Variants in VSTM2L observed in about 807,000 individuals in gnomAD.
VSTM2L encodes the protein V-set and transmembrane domain containing 2 like, also known as V-set and transmembrane domain-containing protein 2-like protein.
Under a neutral mutation model 19.9 loss-of-function variants are expected in VSTM2L, and 9 were observed. That is an observed-to-expected ratio of 0.45 (90% CI 0.27 to 0.79). The LOEUF (loss-of-function observed/expected upper bound fraction) is 0.79, where lower values mean the gene tolerates loss of function less well. Ranked by LOEUF, VSTM2L falls within the 30% of genes least tolerant of loss-of-function variation. The pLI is 0.15. For synonymous variants in VSTM2L, 127 were observed against 133.8 expected (o/e 0.95, Z 0.35); for missense variants, 286 against 295.5 (o/e 0.97, Z 0.24).
At chr20:37,933,772 A>T (rs1007415517) in intron 3 of VSTM2L, among the ~76,000 whole-genome samples, 183 bp downstream of exon 3, 1 of 152,232 alleles carries the variant, frequency 6.6e-6, no homozygotes, top group Non-Finnish European at 1.5e-5. Flanking sequence ...AGTTCATTCA[A>T]TGATGGGCAC....
chr20:37,935,818 T>C (rs1156555695), intron 3 of VSTM2L, among the ~76,000 whole-genome samples: 4 of 152,042 alleles, frequency 2.6e-5, no homozygotes, highest in African/African-American at 9.7e-5. Flanking sequence ...CAATAAATAT[T>C]TGTTGAATAA....
chr20:37,907,996 G>C lies in VSTM2L; in HGVS notation c.121+4525G>C, dbSNP rs377267454. On this transcript the variant is annotated intron_variant, in intron 1 of 3. Transcript: ENST00000373461. Reference sequence around the variant, plus strand: ...TTGAGTCCTGTCTTCCAAAGGTTATGATGTTAAAAATGTGTTCGTCTTTGT... The same window carrying C: ...TTGAGTCCTGTCTTCCAAAGGTTATCATGTTAAAAATGTGTTCGTCTTTGT... Among the ~76,000 whole-genome samples the C allele has an allele frequency of 1.4e-4, 22 of 152,294 alleles. 1 individual carries two copies. In the South Asian group the frequency reaches 4.4e-3, roughly 30 times the overall value.
intron 3 of VSTM2L, among the ~76,000 whole-genome samples, chr20:37,939,101 T>G (rs1287899532): frequency 6.6e-6 from 1 of 152,056 alleles, no homozygotes; most frequent in African/African-American, 2.4e-5. Context: ...ATTGTGAGGT[T>G]TAAATAAGAG....
In VSTM2L at chr20:37,944,637, T is replaced by C. The variant is rs60658175; in HGVS notation, c.*384T>C. The C allele has an allele frequency of 1.6e-3, 1,653 of 1,020,590 alleles. 13 individuals carry two copies. In the African/African-American group the frequency reaches 0.025, roughly 16 times the overall value. 63.2% of individuals were successfully genotyped at this position (1,020,590 alleles called of 1,614,324 possible). A position where few individuals can be genotyped will look rare whatever the true frequency, so the allele number is the denominator to read the frequency against. On this transcript the variant is annotated 3_prime_UTR_variant, in exon 4 of 4. Coordinates refer to ENST00000373461, the MANE Select transcript of VSTM2L (RefSeq NM_080607.3). Reference sequence around the variant, plus strand: ...TGAGCCGGGGCCCCCCAGCCTCGCCTCCCTCCTCCTACCATCCCTCACTTG... The same window carrying C: ...TGAGCCGGGGCCCCCCAGCCTCGCCCCCCTCCTCCTACCATCCCTCACTTG...
chr20:37,917,842 G>A (rs1430266936), intron 1 of VSTM2L, among the ~76,000 whole-genome samples: 1 of 152,234 alleles, frequency 6.6e-6, no homozygotes, highest in African/African-American at 2.4e-5. Flanking sequence ...GCCCACGCAG[G>A]AGAGTAAACA....
At chr20:37,926,458 G>A (rs759577743) in intron 1 of VSTM2L, among the ~76,000 whole-genome samples, 2 of 152,090 alleles carry the variant, frequency 1.3e-5, no homozygotes, top group Non-Finnish European at 2.9e-5. Context: ...GGAGGCTGAG[G>A]CTTGAACCCG....
chr20:37,941,936 C>T (rs77832645), intron 3 of VSTM2L, among the ~76,000 whole-genome samples: 2,858 of 148,352 alleles, frequency 0.019, 85 homozygotes, highest in African/African-American at 0.065. Flanking sequence ...GTTATAGTCT[C>T]AGGAAAAGTT....
intron 1 of VSTM2L, among the ~76,000 whole-genome samples, chr20:37,928,680 C>T (rs919144535): frequency 7.9e-5 from 12 of 152,066 alleles, no homozygotes; most frequent in South Asian, 2.1e-4. Context: ...GCTTGTGCCC[C>T]GGAGGTCAAG....
intron 1 of VSTM2L, among the ~76,000 whole-genome samples, chr20:37,905,292 G>C (rs889198564): frequency 6.6e-6 from 1 of 152,126 alleles, no homozygotes; most frequent in Non-Finnish European, 1.5e-5. Flanking sequence ...TGAGGAATGG[G>C]ACTCTGAGGC....
intron 3 of VSTM2L, among the ~76,000 whole-genome samples, chr20:37,934,189 G>A (rs945003763): frequency 2.0e-5 from 3 of 152,334 alleles, no homozygotes; most frequent in South Asian, 2.1e-4. Flanking sequence ...CCTGGCTTCA[G>A]GGCTGAAGCT....
intron 3 of VSTM2L, among the ~76,000 whole-genome samples, chr20:37,939,395 G>C (rs2072958877): frequency 6.6e-6 from 1 of 151,982 alleles, no homozygotes; most frequent in South Asian, 2.1e-4. Flanking sequence ...TCCAGCCTAA[G>C]GTGACAGAAC....
At chr20:37,921,903 C>T (rs931507340) in intron 1 of VSTM2L, among the ~76,000 whole-genome samples, 4 of 125,348 alleles carry the variant, frequency 3.2e-5, no homozygotes, top group South Asian at 2.6e-4. Flanking sequence ...AGTGCAGTGG[C>T]GTGATCATAG....
Position 37,945,018 on chromosome 20 carries a change from T to G in VSTM2L, c.*765T>G. On this transcript the variant is annotated 3_prime_UTR_variant, in exon 4 of 4. Transcript: ENST00000373461. ...AGGGCCTTCAAGGCTCTCCCAGGAG[T>G]CCCCCTCTGCCGGCCCCCCAATGCC... is the stretch of plus-strand genomic sequence containing the variant. 1.0e-6 allele frequency: 1 copy of G among 984,694 alleles called. No homozygotes were observed. Among genetic ancestry groups the G allele is most frequent in the Non-Finnish European group, 1.2e-6 (1 of 829,616 alleles). 61.0% of individuals were successfully genotyped at this position (984,694 alleles called of 1,614,324 possible).
intron 1 of VSTM2L, among the ~76,000 whole-genome samples, chr20:37,926,451 G>A (rs1229570120): frequency 6.6e-6 from 1 of 152,152 alleles, no homozygotes; most frequent in Non-Finnish European, 1.5e-5. Context: ...CTACTTGGGA[G>A]GCTGAGGCTT....
At chr20:37,923,706 G>GCT (rs754403283) in intron 1 of VSTM2L, among the ~76,000 whole-genome samples, 9 of 152,144 alleles carry the variant, frequency 5.9e-5, no homozygotes, top group Non-Finnish European at 1.3e-4. Context: ...CAGCAGTGAT[G>GCT]CTCACATGGG....
Position 37,945,044 on chromosome 20 carries a change from C to G in VSTM2L, c.*791C>G. 6 of 985,866 alleles carry G rather than the reference C, an allele frequency of 6.1e-6. No homozygotes were observed. The highest frequency in any genetic ancestry group is 7.2e-6 in the Non-Finnish European group (6 of 829,966). The allele number at this position is 985,866 out of a possible 1,614,324, so 61.1% of individuals were successfully genotyped here. On this transcript the variant is annotated 3_prime_UTR_variant, in exon 4 of 4. Coordinates refer to ENST00000373461, the MANE Select transcript of VSTM2L (RefSeq NM_080607.3). Reference sequence around the variant, plus strand: ...CCCCCTCTGCCGGCCCCCCAATGCCCCAGCTCCCTCTTGGGTCCTGTGCCA... The same window carrying G: ...CCCCCTCTGCCGGCCCCCCAATGCCGCAGCTCCCTCTTGGGTCCTGTGCCA...
intron 1 of VSTM2L, among the ~76,000 whole-genome samples, chr20:37,925,520 C>G (rs1040828752): frequency 6.6e-6 from 1 of 152,128 alleles, no homozygotes; most frequent in Non-Finnish European, 1.5e-5. Flanking sequence ...CTTCTCCCTC[C>G]GGGGCAGCTT....
At chr20:37,907,612 C>T (rs535883621) in intron 1 of VSTM2L, among the ~76,000 whole-genome samples, 9 of 152,060 alleles carry the variant, frequency 5.9e-5, no homozygotes, top group Non-Finnish European at 1.3e-4. Context: ...TCCAAGAAGC[C>T]TCACACTGCA....
intron 1 of VSTM2L, among the ~76,000 whole-genome samples, chr20:37,912,538 GT>G (rs1311161905): frequency 1.3e-5 from 2 of 152,182 alleles, no homozygotes; most frequent in Non-Finnish European, 2.9e-5. Flanking sequence ...ACTGTGTGTG[GT>G]TGAAGGGGCA....
Sources: gnomAD v4.1 joint callset for allele counts (sites outside exome capture counted in the v4.1 genomes callset) on GRCh38, gnomAD v4.1.1 for gene constraint, MANE v1.5 for transcripts, NCBI Gene and HGNC (gene_info 2026-07-23, HGNC 2026-07-21) for gene names.